Variants in TDP1 observed in about 807,000 individuals in gnomAD.
TDP1 encodes tyrosyl-DNA phosphodiesterase 1.
TDP1 carries 64 observed loss-of-function variants against 81.5 expected under a neutral mutation model. The observed-to-expected ratio is 0.79, with a 90% CI of 0.64 to 0.97. The LOEUF is 0.97. Among genes scored for constraint, TDP1 ranks in the 50% least tolerant of loss-of-function variants. The pLI is 0.00. For synonymous variants in TDP1, 256 were observed against 264.3 expected (o/e 0.97, Z 0.30); for missense variants, 723 against 743.8 (o/e 0.97, Z 0.33).
chr14:89,959,744 G>A (rs1892110321), intron 2 of TDP1, among the ~76,000 whole-genome samples: 1 of 152,152 alleles, frequency 6.6e-6, no homozygotes, highest in Non-Finnish European at 1.5e-5. Context: ...AGAAAATGGA[G>A]ATAATGATAA....
chr14:90,005,845 G>A (rs1391645176), intron 14 of TDP1, among the ~76,000 whole-genome samples: 1 of 152,210 alleles, frequency 6.6e-6, no homozygotes, highest in South Asian at 2.1e-4. Flanking sequence ...ATTTGGTATA[G>A]TATTCTAAAT....
chr14:90,014,368 A>T (rs1422433004), intron 14 of TDP1, among the ~76,000 whole-genome samples: 1 of 152,238 alleles, frequency 6.6e-6, no homozygotes, highest in Non-Finnish European at 1.5e-5. Flanking sequence ...CCTACAGAGA[A>T]TGCAAAATGG....
chr14:90,015,422 G>A (rs1371626381), intron 14 of TDP1, among the ~76,000 whole-genome samples: 2 of 152,226 alleles, frequency 1.3e-5, no homozygotes, highest in Non-Finnish European at 2.9e-5. Context: ...CACCTCACAA[G>A]CTGTGGCAGG....
At chr14:89,955,887 G>T (rs1185531370), upstream of TDP1, 1 of 152,414 alleles carries the variant, frequency 6.6e-6, no homozygotes, top group Non-Finnish European at 1.5e-5. Context: ...ACAAGCCGCT[G>T]CCGCCAGGGT....
intron 16 of TDP1, among the ~76,000 whole-genome samples, chr14:90,040,063 G>C (rs1888215460): frequency 6.6e-6 from 1 of 152,190 alleles, no homozygotes; most frequent in South Asian, 2.1e-4. Context: ...AGATGGGACA[G>C]AGACTCTGTA....
At chr14:90,035,734 T>C (rs1053873566) in intron 16 of TDP1, among the ~76,000 whole-genome samples, 2 of 102,996 alleles carry the variant, frequency 1.9e-5, no homozygotes, top group Non-Finnish European at 3.5e-5. Context: ...CTTTTCTTCC[T>C]TTTTTTTTTT....
chr14:90,022,179 TGA>T lies in TDP1; in HGVS notation c.1644+2765_1644+2766del, dbSNP rs35369658. Among the ~76,000 whole-genome samples the T allele has an allele frequency of 3.8e-3, 586 of 152,220 alleles. 2 individuals are homozygous for T. Among genetic ancestry groups the T allele is most frequent in the African/African-American group, 0.014 (566 of 41,522 alleles). On this transcript the variant is annotated intron_variant, in intron 15 of 16. Coordinates refer to ENST00000335725, the MANE Select transcript of TDP1 (RefSeq NM_018319.4). ...ATGAGACAGAGACATCCTTCCTGGG[TGA>T]GAGCTGGGTGCTGAGATCTGAGGGA... is the stretch of plus-strand genomic sequence containing the variant.
intron 14 of TDP1, among the ~76,000 whole-genome samples, chr14:90,000,739 G>A (rs1486740028): frequency 6.6e-6 from 1 of 152,114 alleles, no homozygotes; most frequent in African/African-American, 2.4e-5. Context: ...AATTTTGGCT[G>A]GAATTAATTT....
Position 90,043,985 on chromosome 14 carries a change from G to C in TDP1, c.*842G>C, listed in dbSNP as rs1888599859. ...GGAGGTGATCCTAGGATCTGTCTCT[G>C]AGACCAATGTGCTGTTTCAGCCCCC... On this transcript the variant is annotated 3_prime_UTR_variant, in exon 17 of 17. Coordinates refer to ENST00000335725, the MANE Select transcript of TDP1 (RefSeq NM_018319.4). The C allele has an allele frequency of 6.6e-6, 1 of 152,252 alleles. No individual in the cohort carries two copies. The highest frequency in any genetic ancestry group is 1.5e-5 in the Non-Finnish European group (1 of 68,094). The allele number at this position is 152,252 out of a possible 1,614,324, so 9.4% of individuals were successfully genotyped here. A position where few individuals can be genotyped will look rare whatever the true frequency, so the allele number is the denominator to read the frequency against.
chr14:89,986,618 G>T (rs530898166), intron 10 of TDP1, among the ~76,000 whole-genome samples: 19 of 152,218 alleles, frequency 1.2e-4, no homozygotes, highest in Non-Finnish European at 2.4e-4. Context: ...CAGGAAGGCC[G>T]GCCGGTGATT....
Position 89,985,154 on chromosome 14 carries a change from C to T in TDP1, c.1075C>T (p.Pro359Ser). Residue 359 changes from proline (P) to serine (S), a missense_variant, in exon 10 of 17, where the codon CCA becomes TCA. Coordinates refer to ENST00000335725, the MANE Select transcript of TDP1 (RefSeq NM_018319.4). ...TAGTGTTTATCTTATTGGTTCAACC[C>T]CAGGACGCTTTCAAGGAAGTCAAAA... ...ETNVYLIGST[P>S]GRFQGSQKDN... is the part of the protein sequence containing the mutation. 1 of 1,611,542 alleles carries T rather than the reference C, an allele frequency of 6.2e-7. No individual in the cohort carries two copies. Among genetic ancestry groups the T allele is most frequent in the Non-Finnish European group, 8.5e-7 (1 of 1,178,760 alleles).
chr14:89,981,335 T>G, intron 8 of TDP1: 2 of 382,740 alleles, frequency 5.2e-6, no homozygotes, highest in Non-Finnish European at 1.0e-5. Flanking sequence ...GGTGCACATA[T>G]GCTAGATCCA....
chr14:90,033,924 G>A (rs542696439), intron 16 of TDP1, among the ~76,000 whole-genome samples: 18 of 152,174 alleles, frequency 1.2e-4, no homozygotes, highest in Admixed American at 1.0e-3. Context: ...TTAAATAGCC[G>A]GGTGTGGTGG....
At chr14:89,973,084 C>A (rs980359132) in intron 6 of TDP1, among the ~76,000 whole-genome samples, 18 of 152,166 alleles carry the variant, frequency 1.2e-4, no homozygotes, top group African/African-American at 4.1e-4. Context: ...TACCTCACAA[C>A]ATTTTCCTTA....
chr14:89,963,345 G>A lies in TDP1; in HGVS notation c.231G>A (p.Gln77=). 6.2e-7 allele frequency: 1 copy of A among 1,614,200 alleles called. No individual in the cohort carries two copies. The highest frequency in any genetic ancestry group is 8.5e-7 in the Non-Finnish European group (1 of 1,180,032). Residue 77 remains glutamine (Q), a synonymous_variant, in exon 3 of 17, where the codon CAG becomes CAA. Coordinates refer to ENST00000335725, the MANE Select transcript of TDP1 (RefSeq NM_018319.4). ...NTDSVLPPKR[Q]KSGSQEDLGW... ...ATTCAGTTTTACCTCCCAAAAGGCAGAAAAGCGGTTCCCAGGAGGACCTCG... is the reference window on the plus strand; with the variant it reads ...ATTCAGTTTTACCTCCCAAAAGGCAAAAAAGCGGTTCCCAGGAGGACCTCG...
At chr14:89,964,710 G>A (rs1039765964) in intron 3 of TDP1, 20 of 286,162 alleles carry the variant, frequency 7.0e-5, no homozygotes, top group African/African-American at 4.6e-4. Flanking sequence ...CAAGTTTTTT[G>A]TTTGTTTGAG....
At chr14:90,040,058 G>A (rs1405269412) in intron 16 of TDP1, among the ~76,000 whole-genome samples, 1 of 152,108 alleles carries the variant, frequency 6.6e-6, no homozygotes, top group Non-Finnish European at 1.5e-5. Flanking sequence ...GGGAGAGATG[G>A]GACAGAGACT....
At chr14:89,992,053 GTT>G (rs35621567) in intron 13 of TDP1, 70 bp downstream of exon 13, 73 of 1,105,898 alleles carry the variant, frequency 6.6e-5, no homozygotes, top group African/African-American at 4.2e-4. Flanking sequence ...TCACTGGTTT[GTT>G]TTTTTTTTTA....
At chr14:90,009,469 G>A (rs1234050406) in intron 14 of TDP1, among the ~76,000 whole-genome samples, 3 of 152,198 alleles carry the variant, frequency 2.0e-5, no homozygotes, top group African/African-American at 7.2e-5. Context: ...ATGCTACAGA[G>A]AGATTAAGAT....
Sources: gnomAD v4.1 joint callset for allele counts (sites outside exome capture counted in the v4.1 genomes callset) on GRCh38, gnomAD v4.1.1 for gene constraint, MANE v1.5 for transcripts, NCBI Gene and HGNC (gene_info 2026-07-23, HGNC 2026-07-21) for gene names.